Variants in NAV2 observed in about 807,000 individuals in gnomAD.
NAV2 encodes neuron navigator 2, also known as helicase, APC down-regulated 1.
NAV2 carries 54 observed loss-of-function variants against 223.2 expected under a neutral mutation model. The ratio of observed to expected loss-of-function variants is 0.24; its 90% CI spans 0.19 to 0.30. The LOEUF (loss-of-function observed/expected upper bound fraction) is 0.30, where lower values mean the gene tolerates loss of function less well. Among genes scored for constraint, NAV2 ranks in the 10% least tolerant of loss-of-function variants. NAV2 has a pLI of 1.00. For missense variants in NAV2, 2,806 were observed against 3,147.5 expected (o/e 0.89, Z 2.60); for synonymous variants, 1,279 against 1,239.3 (o/e 1.03, Z -0.67).
At chr11:19,901,703 A>G (rs1295595893) in intron 6 of NAV2, among the ~76,000 whole-genome samples, 1 of 152,330 alleles carries the variant, frequency 6.6e-6, no homozygotes, top group Admixed American at 6.5e-5. Flanking sequence ...ACATTTTGTC[A>G]TATACATATT....
intron 11 of NAV2, among the ~76,000 whole-genome samples, chr11:19,989,701 C>T (rs1334812256): frequency 1.3e-5 from 2 of 152,114 alleles, no homozygotes; most frequent in African/African-American, 4.8e-5. Flanking sequence ...AATATTATCT[C>T]ATTTACCCCT....
chr11:19,577,036 T>C (rs558430174), intron 1 of NAV2, among the ~76,000 whole-genome samples: 1 of 152,368 alleles, frequency 6.6e-6, no homozygotes, highest in South Asian at 2.1e-4. Context: ...ATCCCTGGGT[T>C]CCAGGAAGTG....
At chr11:19,556,426 G>A (rs1369073655) in intron 1 of NAV2, among the ~76,000 whole-genome samples, 8 of 152,190 alleles carry the variant, frequency 5.3e-5, no homozygotes, top group Admixed American at 5.2e-4. Flanking sequence ...GTTAAAGAGT[G>A]GCAGGAAAAT....
intron 1 of NAV2, among the ~76,000 whole-genome samples, chr11:19,482,347 C>A (rs2042305873): frequency 1.3e-5 from 2 of 152,148 alleles, no homozygotes; most frequent in South Asian, 4.2e-4. Context: ...TGAGAATATG[C>A]TGCTGAATTA....
intron 1 of NAV2, among the ~76,000 whole-genome samples, chr11:19,639,331 C>T (rs1172888044): frequency 2.0e-5 from 3 of 152,216 alleles, no homozygotes; most frequent in Admixed American, 6.5e-5. Flanking sequence ...GTTAGACCCT[C>T]TATGACTGCC....
At chr11:19,628,644 C>A (rs968130812) in intron 1 of NAV2, among the ~76,000 whole-genome samples, 2 of 152,208 alleles carry the variant, frequency 1.3e-5, no homozygotes, top group African/African-American at 4.8e-5. Flanking sequence ...CACACATACA[C>A]AAGGAAACTC....
intron 19 of NAV2, among the ~76,000 whole-genome samples, chr11:20,059,071 G>C (rs2058540865): frequency 6.6e-6 from 1 of 151,576 alleles, no homozygotes; most frequent in Non-Finnish European, 1.5e-5. Context: ...ATCTGACTCA[G>C]TTGGGTTTTT....
At chr11:19,581,767 G>T (rs1189505838) in intron 1 of NAV2, among the ~76,000 whole-genome samples, 2 of 152,086 alleles carry the variant, frequency 1.3e-5, no homozygotes, top group Non-Finnish European at 2.9e-5. Flanking sequence ...GTCTATCATC[G>T]TTGGACATTT....
intron 11 of NAV2, among the ~76,000 whole-genome samples, chr11:20,012,560 A>G (rs2053645544): frequency 2.0e-5 from 3 of 151,924 alleles, no homozygotes; most frequent in African/African-American, 7.3e-5. Context: ...CTGTAATCCT[A>G]GCTACTCGGG....
chr11:19,731,053 G>A (rs2051728614), intron 1 of NAV2, among the ~76,000 whole-genome samples: 1 of 152,184 alleles, frequency 6.6e-6, no homozygotes, highest in Admixed American at 6.5e-5. Context: ...AGATTTAACT[G>A]GGCATCCTCT....
intron 1 of NAV2, among the ~76,000 whole-genome samples, chr11:19,815,068 G>C (rs1017763848): frequency 6.6e-6 from 1 of 152,176 alleles, no homozygotes; most frequent in African/African-American, 2.4e-5. Context: ...TTGGTGAGCA[G>C]ATATTCTGTG....
chr11:19,945,153 C>CTCCCTTCCCT lies in NAV2; in HGVS notation c.2147-1206_2147-1197dup, dbSNP rs755938941. ...TCTTTCTTTCTTCCTTTCTTTCTGT[C>CTCCCTTCCCT]TCCCTTCCCTTCCCTTCCCTTCCCT... On this transcript the variant is annotated intron_variant, in intron 8 of 37. Coordinates refer to ENST00000349880, the MANE Select transcript of NAV2 (RefSeq NM_145117.5). Among the ~76,000 whole-genome samples, 318 of 94,736 alleles carry CTCCCTTCCCT rather than the reference C, an allele frequency of 3.4e-3. 4 individuals carry two copies. Among genetic ancestry groups the CTCCCTTCCCT allele is most frequent in the African/African-American group, 9.6e-3 (237 of 24,782 alleles). 62.2% of individuals were successfully genotyped at this position (94,736 alleles called of 152,430 possible).
chr11:19,387,990 A>G (rs556475862), intron 1 of NAV2, among the ~76,000 whole-genome samples: 2 of 152,330 alleles, frequency 1.3e-5, no homozygotes, highest in Admixed American at 6.5e-5. Flanking sequence ...GTAGAGTCCC[A>G]GGATCTTCCC....
At chr11:19,813,617 T>G (rs1489164478) in intron 1 of NAV2, among the ~76,000 whole-genome samples, 1 of 152,150 alleles carries the variant, frequency 6.6e-6, no homozygotes, top group African/African-American at 2.4e-5. Flanking sequence ...CTGCCGCTAT[T>G]CAGGAGGTGG....
chr11:19,879,003 G>T (rs2063033275), intron 4 of NAV2, among the ~76,000 whole-genome samples: 1 of 152,088 alleles, frequency 6.6e-6, no homozygotes, highest in Non-Finnish European at 1.5e-5. Flanking sequence ...TGCCCCCAAG[G>T]TTCCCTTTCC....
rs368375514 is a variant in NAV2 at position 19,939,719 on chromosome 11, G to A, written c.2092G>A (p.Val698Met). 101 of 1,614,022 alleles carry A rather than the reference G, an allele frequency of 6.3e-5. No individual in the cohort carries two copies. Among genetic ancestry groups the A allele is most frequent in the Middle Eastern group, 1.6e-4 (1 of 6,084 alleles). Residue 698 changes from valine to methionine, a missense_variant, in exon 8 of 38, where the codon GTG (valine) becomes ATG (methionine). Coordinates refer to ENST00000349880, the MANE Select transcript of NAV2 (RefSeq NM_145117.5). ...CGAGTCAAGCTCAACAGGTGTGAGC[G>A]TGGAGCCCAGCCACTTCACCAAGAC... is the stretch of plus-strand genomic sequence containing the variant. ...TAESSSTGVS[V>M]EPSHFTKTGQ... is the part of the protein sequence containing the mutation.
At chr11:19,574,997 C>T (rs1313943263) in intron 1 of NAV2, among the ~76,000 whole-genome samples, 10 of 152,254 alleles carry the variant, frequency 6.6e-5, no homozygotes, top group African/African-American at 2.4e-4. Flanking sequence ...GCTGGTGCCC[C>T]TATACTTCCT....
intron 1 of NAV2, among the ~76,000 whole-genome samples, chr11:19,792,396 C>G (rs1034133744): frequency 9.9e-5 from 15 of 152,254 alleles, no homozygotes; most frequent in African/African-American, 3.1e-4. Context: ...GCTCCTCGTA[C>G]CAAGCCTGAC....
intron 1 of NAV2, among the ~76,000 whole-genome samples, chr11:19,519,480 C>T (rs2043573253): frequency 6.6e-6 from 1 of 152,204 alleles, no homozygotes. Context: ...TTGCTCAAGG[C>T]CACAGAGCTC....
Sources: gnomAD v4.1 joint callset for allele counts (sites outside exome capture counted in the v4.1 genomes callset) on GRCh38, gnomAD v4.1.1 for gene constraint, MANE v1.5 for transcripts, NCBI Gene and HGNC (gene_info 2026-07-23, HGNC 2026-07-21) for gene names.